Variants in USP2 observed in about 807,000 individuals in gnomAD.
The protein encoded by USP2 is ubiquitin specific peptidase 2.
In USP2, 33 loss-of-function variants were observed where a neutral mutation model predicts 72.0. The observed-to-expected ratio is 0.46, with a 90% confidence interval of 0.35 to 0.61. The LOEUF (loss-of-function observed/expected upper bound fraction) is 0.61. Ranked by LOEUF, USP2 falls within the 20% of genes least tolerant of loss-of-function variation. The probability of loss-of-function intolerance (pLI) is 0.01; values close to 1 mark genes in which losing one functional copy is unlikely to be tolerated. For missense variants in USP2, 691 were observed against 797.8 expected (o/e 0.87, Z 1.61); for synonymous variants, 296 against 312.5 (o/e 0.95, Z 0.56).
intron 1 of USP2, among the ~76,000 whole-genome samples, chr11:119,375,855 AACG>A (rs1950993725): frequency 1.3e-5 from 2 of 152,130 alleles, no homozygotes; most frequent in South Asian, 4.1e-4. Context: ...GCTGGGGCCA[AACG>A]AGGTCCAGAG....
intron 2 of USP2, among the ~76,000 whole-genome samples, chr11:119,368,250 T>G (rs1950881086): frequency 6.6e-6 from 1 of 152,122 alleles, no homozygotes; most frequent in Non-Finnish European, 1.5e-5. Context: ...AAGTTCAACC[T>G]CCTTAGGGTG....
intron 11 of USP2, 49 bp from the exon 12 acceptor site, chr11:119,357,356 T>C: frequency 5.0e-6 from 8 of 1,604,846 alleles, no homozygotes; most frequent in Non-Finnish European, 6.8e-6. Context: ...TGCCCCGACT[T>C]CCCCCCTCCA....
intron 3 of USP2, 117 bp from the exon 4 acceptor site, chr11:119,359,777 C>A: frequency 7.3e-7 from 1 of 1,377,734 alleles, no homozygotes; most frequent in Non-Finnish European, 9.8e-7. Flanking sequence ...GGAGGCTATC[C>A]TTTCATAGCC....
rs774874093 is a variant in USP2, at chr11:119,360,201, G to A, written c.808C>T (p.Arg270Ter). 6.2e-7 allele frequency: 1 copy of A among 1,613,908 alleles called. No homozygotes were observed. The change falls in exon 3 of 13, where the codon CGA becomes TGA. Residue 270 changes from arginine (R) to a stop codon, truncating the protein, a stop_gained. Coordinates refer to ENST00000260187, the MANE Select transcript of USP2 (RefSeq NM_004205.5). LOFTEE classifies it high-confidence loss of function. ...SKSAQGLAGL[R>*]NLGNTCFMNS... ...AAACTCACCGTGTTCCCAAGGTTTC[G>A]AAGACCAGCCAGACCCTGGGCACTC...
intron 7 of USP2, 46 bp from the exon 8 acceptor site, chr11:119,358,298 C>T (rs75491040): frequency 0.011 from 16,630 of 1,566,698 alleles, 319 homozygotes; most frequent in African/African-American, 0.08. Context: ...GGAAGTAGAG[C>T]ATGGTCTTCT....
At chr11:119,367,216 A>G (rs534064676) in intron 2 of USP2, among the ~76,000 whole-genome samples, 189 of 152,336 alleles carry the variant, frequency 1.2e-3, no homozygotes, top group Non-Finnish European at 2.2e-3. Context: ...AGCTGGGCTC[A>G]TTCCTGCATC....
At chr11:119,364,878 C>G (rs1166619459) in intron 2 of USP2, among the ~76,000 whole-genome samples, 3 of 152,182 alleles carry the variant, frequency 2.0e-5, no homozygotes, top group Non-Finnish European at 2.9e-5. Flanking sequence ...TTTCTGGTCT[C>G]TTCTAACCAA....
chr11:119,366,499 T>C (rs945097151), intron 2 of USP2, among the ~76,000 whole-genome samples: 20 of 152,248 alleles, frequency 1.3e-4, no homozygotes, highest in African/African-American at 4.8e-4. Context: ...TTAATATGTT[T>C]ATCTTTGCTT....
At chr11:119,378,117 C>T (rs1951023689) in intron 1 of USP2, among the ~76,000 whole-genome samples, 1 of 152,110 alleles carries the variant, frequency 6.6e-6, no homozygotes, top group African/African-American at 2.4e-5. Context: ...TCAGAGCTTC[C>T]TAAAGCCACT....
At chr11:119,376,888 A>C (rs1226469890) in intron 1 of USP2, among the ~76,000 whole-genome samples, 2 of 152,286 alleles carry the variant, frequency 1.3e-5, no homozygotes, top group African/African-American at 2.4e-5. Context: ...CTTCATACAC[A>C]GAGCACCCCA....
intron 11 of USP2, 50 bp downstream of exon 11, chr11:119,357,433 C>T (rs985013693): frequency 1.2e-6 from 2 of 1,612,954 alleles, no homozygotes; most frequent in Non-Finnish European, 1.7e-6. Context: ...CTCCCTCCGG[C>T]CTTGCACACC....
At chr11:119,364,182 G>A (rs1029746773) in intron 2 of USP2, 212 of 1,184,760 alleles carry the variant, frequency 1.8e-4, no homozygotes, top group Non-Finnish European at 2.1e-4. Context: ...AACAGCCCGG[G>A]TCCCGGCTCT....
chr11:119,375,203 AGGAGCTGGTGCCAAACCCCAAATGC>A (rs900845564), intron 1 of USP2, among the ~76,000 whole-genome samples: 69 of 152,330 alleles, frequency 4.5e-4, no homozygotes, highest in African/African-American at 1.6e-3. Flanking sequence ...TAGGGCAGAG[AGGAGCTGGTGCCAAACCCCAAATGC>A]GAGGGCTTGG....
intron 2 of USP2, among the ~76,000 whole-genome samples, chr11:119,367,997 G>T (rs1450348020): frequency 6.6e-6 from 1 of 152,212 alleles, no homozygotes; most frequent in Non-Finnish European, 1.5e-5. Flanking sequence ...GGAGGATGGT[G>T]CTGGGCACCG....
At chr11:119,357,710 G>A (rs1950690808) in intron 10 of USP2, 47 bp downstream of exon 10, 3 of 1,613,390 alleles carry the variant, frequency 1.9e-6, no homozygotes, top group Non-Finnish European at 2.5e-6. Context: ...CTTGTCATCA[G>A]TCACCCTTGA....
In USP2 at chr11:119,378,177, G is replaced by A. The variant is rs180922570; in HGVS notation, c.-42+3296C>T. 3.7e-3 allele frequency among the ~76,000 whole-genome samples: 559 copies of A among 152,186 alleles called. 5 individuals are homozygous for A. The highest frequency in any genetic ancestry group is 0.012 in the African/African-American group (500 of 41,494). On this transcript the variant is annotated intron_variant, in intron 1 of 12. Transcript: ENST00000260187. ...ACCTTGAAGGACAAGGTGGGTGAGA[G>A]GGGGCCCTGTATCCTTCCATCTGCA...
At chr11:119,357,630 G>A in intron 10 of USP2, 40 bp from the exon 11 acceptor site, 1 of 1,614,054 alleles carries the variant, frequency 6.2e-7, no homozygotes. Context: ...AACCAATGCA[G>A]AAGGGCAGAC....
Position 119,372,795 on chromosome 11 carries a change from C to G in USP2, c.686G>C (p.Arg229Pro). ...RVPEIISPTYRPIGRYTLWET... is the reference protein window; with the variant it reads ...RVPEIISPTYPPIGRYTLWET... ...CCACAGCGTGTAGCGGCCAATGGGT[C>G]GGTAGGTTGGGCTGATGATTTCAGG... is the stretch of plus-strand genomic sequence containing the variant. The change falls in exon 2 of 13, where the codon CGA becomes CCA. Residue 229 changes from arginine to proline, a missense_variant. Transcript: ENST00000260187. 1 of 1,601,120 alleles carries G rather than the reference C, an allele frequency of 6.2e-7. No homozygotes were observed. The highest frequency in any genetic ancestry group is 8.5e-7 in the Non-Finnish European group (1 of 1,174,128).
intron 1 of USP2, among the ~76,000 whole-genome samples, chr11:119,378,507 G>C (rs1404984816): frequency 6.6e-6 from 1 of 152,184 alleles, no homozygotes; most frequent in African/African-American, 2.4e-5. Flanking sequence ...GGTCATCCAA[G>C]GGAATTTGGG....
Sources: gnomAD v4.1 joint callset for allele counts (sites outside exome capture counted in the v4.1 genomes callset) on GRCh38, gnomAD v4.1.1 for gene constraint, MANE v1.5 for transcripts, NCBI Gene and HGNC (gene_info 2026-07-23, HGNC 2026-07-21) for gene names.